Variants in PDE1C observed in about 807,000 individuals in gnomAD.
PDE1C encodes the protein phosphodiesterase 1C, also known as dual specificity calcium/calmodulin-dependent 3',5'-cyclic nucleotide phosphodiesterase 1C.
In PDE1C, 62 loss-of-function variants were observed where a neutral mutation model predicts 93.1. That is an observed-to-expected ratio of 0.67 (90% CI 0.54 to 0.82). The LOEUF is 0.82. Ranked by LOEUF, PDE1C falls within the 40% of genes least tolerant of loss-of-function variation. The pLI is 0.00. For synonymous variants in PDE1C, 325 were observed against 310.1 expected (o/e 1.05, Z -0.50); for missense variants, 742 against 884.6 (o/e 0.84, Z 2.04).
At chr7:31,783,503 CTT>C (rs879669149) in intron 16 of PDE1C, 1 of 151,960 alleles carries the variant, frequency 6.6e-6, no homozygotes, top group Non-Finnish European at 1.5e-5. Flanking sequence ...AAAAAAAAGT[CTT>C]TTCATTTTTC....
intron 1 of PDE1C, among the ~76,000 whole-genome samples, chr7:32,069,231 T>C (rs1443561507): frequency 6.6e-6 from 1 of 152,212 alleles, no homozygotes; most frequent in African/African-American, 2.4e-5. Context: ...AATATCAAGC[T>C]AACTTAGATC....
chr7:31,826,197 A>T (rs1789641454), intron 12 of PDE1C, among the ~76,000 whole-genome samples: 1 of 152,160 alleles, frequency 6.6e-6, no homozygotes, highest in African/African-American at 2.4e-5. Context: ...TTCGAAGGGC[A>T]TGTTTGGAAA....
At chr7:32,411,698 T>C (rs112803519) in intron 1 of PDE1C, among the ~76,000 whole-genome samples, 2,360 of 152,252 alleles carry the variant, frequency 0.016, 66 homozygotes, top group African/African-American at 0.054. Context: ...ATTTTTTTCT[T>C]TCCTCAGTAA....
chr7:32,175,320 A>G (rs1802912237), intron 2 of PDE1C, among the ~76,000 whole-genome samples: 1 of 152,244 alleles, frequency 6.6e-6, no homozygotes, highest in Non-Finnish European at 1.5e-5. Flanking sequence ...TCCCCAATGC[A>G]TATAAAAATT....
the PDE1C span, chr7:31,652,153 A>G: frequency 6.5e-5 from 57 of 871,244 alleles, no homozygotes; most frequent in East Asian, 1.4e-3. Flanking sequence ...ATCTAGGTTT[A>G]CATGCCAACA....
the PDE1C span, among the ~76,000 whole-genome samples, chr7:31,638,502 C>T: frequency 0.021 from 3,260 of 152,140 alleles, 119 homozygotes; most frequent in African/African-American, 0.074. Flanking sequence ...AAATCCCACA[C>T]GACATTGTTA....
At chr7:31,661,821 AT>A in the PDE1C span, among the ~76,000 whole-genome samples, 1 of 152,094 alleles carries the variant, frequency 6.6e-6, no homozygotes, top group African/African-American at 2.4e-5. Context: ...TACTTCATTA[AT>A]TTATTTCCCT....
At chr7:32,298,462 G>T (rs948925550) in intron 1 of PDE1C, among the ~76,000 whole-genome samples, 7 of 152,102 alleles carry the variant, frequency 4.6e-5, no homozygotes, top group Non-Finnish European at 5.9e-5. Flanking sequence ...GGGGTGCCGG[G>T]GGGGACAGCC....
chr7:31,923,079 A>T (rs973706364), intron 2 of PDE1C, among the ~76,000 whole-genome samples: 11 of 152,104 alleles, frequency 7.2e-5, no homozygotes, highest in Non-Finnish European at 1.6e-4. Flanking sequence ...GGGCAGGGAG[A>T]GCTGGGGGGA....
Position 31,861,614 on chromosome 7 carries a change from A to G in PDE1C, c.750+3328T>C, listed in dbSNP as rs1794709450. 3.3e-5 allele frequency among the ~76,000 whole-genome samples: 5 copies of G among 152,216 alleles called. No individual in the cohort carries two copies. The South Asian group carries it at 8.3e-4, about 25-fold the overall frequency. Reference sequence around the variant, plus strand: ...TTATCAAACCAAGAATCTAAGATGTATTCTCGATTCCCCTCTTTAATGTTC... The same window carrying G: ...TTATCAAACCAAGAATCTAAGATGTGTTCTCGATTCCCCTCTTTAATGTTC... On this transcript the variant is annotated intron_variant, in intron 7 of 17. Transcript: ENST00000396191.
rs988098230 is a variant in PDE1C at position 32,126,962 on chromosome 7, T to C, written c.308+42823A>G. 5.3e-5 allele frequency among the ~76,000 whole-genome samples: 8 copies of C among 152,088 alleles called. No individual in the cohort carries two copies. The East Asian group carries it at 1.6e-3, about 29-fold the overall frequency. ...ATTACTCTGAGTATACGTGTGAGAG[T>C]GTTTCTGGATAAGATTAACATTTGA... On this transcript the variant is annotated intron_variant, in intron 3 of 18. Transcript: ENST00000396193.
chr7:31,633,180 C>T, the PDE1C span, among the ~76,000 whole-genome samples: 2 of 151,646 alleles, frequency 1.3e-5, no homozygotes, highest in Admixed American at 6.6e-5. Context: ...CTACCGCGAC[C>T]GGCCAGGTCT....
intron 2 of PDE1C, among the ~76,000 whole-genome samples, chr7:31,894,331 C>A (rs1799006836): frequency 6.6e-6 from 1 of 152,234 alleles, no homozygotes. Flanking sequence ...CACAGCCTGA[C>A]AGAGCCAAAG....
At chr7:32,346,108 A>T (rs80280244) in intron 1 of PDE1C, among the ~76,000 whole-genome samples, 2,086 of 152,294 alleles carry the variant, frequency 0.014, 53 homozygotes, top group African/African-American at 0.047. Context: ...TAAGCAAACG[A>T]TATGTCATAC....
chr7:31,993,465 G>A (rs965754624), intron 2 of PDE1C, among the ~76,000 whole-genome samples: 76 of 152,300 alleles, frequency 5.0e-4, no homozygotes, highest in African/African-American at 1.8e-3. Context: ...GAGGCACAGA[G>A]ATGGAGGGCA....
Position 31,925,039 on chromosome 7 carries a change from C to CTGTG in PDE1C, c.129-44183_129-44180dup, listed in dbSNP as rs70989622. Among the ~76,000 whole-genome samples, 441 of 135,364 alleles carry CTGTG rather than the reference C, an allele frequency of 3.3e-3. 2 individuals are homozygous for CTGTG. Among genetic ancestry groups the CTGTG allele is most frequent in the African/African-American group, 9.7e-3 (355 of 36,706 alleles). The allele number at this position is 135,364 out of a possible 152,430, so 88.8% of individuals were successfully genotyped here. A position where few individuals can be genotyped will look rare whatever the true frequency, so the allele number is the denominator to read the frequency against. On this transcript the variant is annotated intron_variant, in intron 2 of 17. Transcript: ENST00000396191. ...TTGAAGGAGCTAAAAGTAGACATTT[C>CTGTG]TGTGTGTGTGTGTGTGTGTGTGTGT... is the stretch of plus-strand genomic sequence containing the variant.
At chr7:31,791,842 A>G (rs1784628255) in intron 16 of PDE1C, among the ~76,000 whole-genome samples, 1 of 152,000 alleles carries the variant, frequency 6.6e-6, no homozygotes, top group Non-Finnish European at 1.5e-5. Flanking sequence ...AGAGATGGAA[A>G]GAGGCCTATC....
chr7:32,367,626 T>C (rs1273648899), intron 1 of PDE1C, among the ~76,000 whole-genome samples: 1 of 152,020 alleles, frequency 6.6e-6, no homozygotes, highest in Non-Finnish European at 1.5e-5. Context: ...GAGACCAAAG[T>C]GGGTGGATTG....
intron 2 of PDE1C, among the ~76,000 whole-genome samples, chr7:32,050,234 C>T (rs1424324768): frequency 6.6e-6 from 1 of 152,200 alleles, no homozygotes; most frequent in Non-Finnish European, 1.5e-5. Flanking sequence ...GAGGTCTACA[C>T]CTCTAGATAA....
Sources: allele counts gnomAD v4.1 joint callset (sites outside exome capture counted in the v4.1 genomes callset), GRCh38; gene constraint gnomAD v4.1.1; transcripts MANE v1.5; gene names NCBI Gene and HGNC (gene_info 2026-07-23, HGNC 2026-07-21).